CD99: variants seen among roughly 807,000 people sequenced by gnomAD.
The protein encoded by CD99 is CD99 antigen.
In CD99, 19 loss-of-function variants were observed where a neutral mutation model predicts 28.4. The ratio of observed to expected loss-of-function variants is 0.67; its 90% CI spans 0.47 to 0.98. The LOEUF (loss-of-function observed/expected upper bound fraction) is 0.98. CD99 is among the 50% of genes least tolerant of loss of function. CD99 has a pLI of 0.00. For missense variants in CD99, 283 were observed against 248.8 expected, an observed-to-expected ratio of 1.14 and a Z score of -0.92; for synonymous variants, 103 against 92.1, an observed-to-expected ratio of 1.12 and a Z score of -0.67.
chrX:2,737,863 CTTTT>C, intron 8 of CD99: 1 of 413,992 alleles, frequency 2.4e-6, no homozygotes, highest in Non-Finnish European at 4.5e-6. Context: ...GATGCACGTA[CTTTT>C]TTTTTTTTTA....
chrX:2,695,552 C>T (rs146310441), intron 1 of CD99, among the ~76,000 whole-genome samples: 3,415 of 152,020 alleles, frequency 0.022, 125 homozygotes, highest in African/African-American at 0.075. Flanking sequence ...GCTGGGACTA[C>T]AAGCACACAC....
intron 8 of CD99, among the ~76,000 whole-genome samples, chrX:2,728,799 G>A (rs746324942): frequency 7.6e-4 from 112 of 148,132 alleles, no homozygotes; most frequent in South Asian, 5.3e-3. Flanking sequence ...GACAGGATGC[G>A]TAATATTCTA....
chrX:2,692,036 A>C, intron 1 of CD99: 4 of 654,658 alleles, frequency 6.1e-6, no homozygotes, highest in Middle Eastern at 3.5e-4. Context: ...GCAGAAAGAA[A>C]CGTGTGCTTA....
chrX:2,694,493 G>A (rs1319108131), intron 1 of CD99, among the ~76,000 whole-genome samples: 1 of 132,908 alleles, frequency 7.5e-6, no homozygotes. Context: ...ACTCAGGCCT[G>A]TAAATCCCAG....
chrX:2,691,674 A>G (rs756640225), intron 1 of CD99: 1 of 704,040 alleles, frequency 1.4e-6, no homozygotes, highest in Non-Finnish European at 2.6e-6. Flanking sequence ...AAACTCTTAC[A>G]TGTGGGGCGG....
At chrX:2,710,438 G>T (rs5939305) in intron 1 of CD99, among the ~76,000 whole-genome samples, 57,166 of 151,622 alleles carry the variant, frequency 0.38, 12,718 homozygotes, top group Non-Finnish European at 0.51. Context: ...ATCATCTTCT[G>T]TTTATGAGGG....
chrX:2,730,625 C>G (rs960020881), intron 8 of CD99, among the ~76,000 whole-genome samples: 18 of 152,144 alleles, frequency 1.2e-4, no homozygotes, highest in African/African-American at 4.3e-4. Context: ...GAAGGTCCAA[C>G]TTTCAATTCC....
At chrX:2,711,397 T>C (rs1378421388) in intron 1 of CD99, among the ~76,000 whole-genome samples, 1 of 131,462 alleles carries the variant, frequency 7.6e-6, no homozygotes, top group Non-Finnish European at 1.6e-5. Flanking sequence ...TGTGTATATA[T>C]AGTATGTGTG....
intron 2 of CD99, among the ~76,000 whole-genome samples, chrX:2,717,074 C>T (rs1352785317): frequency 2.0e-5 from 3 of 152,062 alleles, no homozygotes; most frequent in Non-Finnish European, 4.4e-5. Flanking sequence ...GGGCTGGGCA[C>T]GGTGGCTCAA....
At chrX:2,696,463 C>T (rs1424201562) in intron 1 of CD99, among the ~76,000 whole-genome samples, 56 of 152,216 alleles carry the variant, frequency 3.7e-4, no homozygotes, top group East Asian at 1.2e-3. Context: ...TGCGATGGTG[C>T]GATCTCGGCT....
At position 2,738,267 on chromosome X, in the gene CD99, C is replaced by T. The variant is rs373297855; in HGVS notation, c.532+11C>T. The stretch of plus-strand genomic sequence containing the variant: ...ACGCAGAGCCAGCTGGTAAGAAGGA[C>T]GGGGAACGATGGCTTGCACACGTGG... On this transcript the variant is annotated intron_variant, in intron 9 of 9. Transcript: ENST00000381192. 958 of 1,613,450 alleles carry T rather than the reference C, an allele frequency of 5.9e-4. 1 individual carries two copies. The highest frequency in any genetic ancestry group is 7.4e-4 in the Non-Finnish European group (869 of 1,179,598).
chrX:2,704,256 C>A (rs1346033537), intron 1 of CD99, among the ~76,000 whole-genome samples: 1 of 152,098 alleles, frequency 6.6e-6, no homozygotes, highest in African/African-American at 2.4e-5. Flanking sequence ...AAGAAAGTTT[C>A]CCACTTCTTA....
At chrX:2,739,195 A>G (rs28445675) in intron 9 of CD99, among the ~76,000 whole-genome samples, 2 of 152,040 alleles carry the variant, frequency 1.3e-5, no homozygotes, top group Non-Finnish European at 2.9e-5. Context: ...AAATCCTCTC[A>G]ACCAGGTGGA....
chrX:2,736,981 C>T (rs1052914442), intron 8 of CD99, among the ~76,000 whole-genome samples: 5 of 151,822 alleles, frequency 3.3e-5, no homozygotes, highest in African/African-American at 1.2e-4. Context: ...CTGTCTTGTC[C>T]TTTGATGGCT....
At chrX:2,727,946 G>A (rs1244967158) in intron 8 of CD99, among the ~76,000 whole-genome samples, 1 of 152,186 alleles carries the variant, frequency 6.6e-6, no homozygotes, top group Non-Finnish European at 1.5e-5. Context: ...CATTTGAATA[G>A]ATGCTGGTGT....
chrX:2,738,162 G>A (rs773115671), intron 8 of CD99, 38 bp from the exon 9 acceptor site: 1 of 1,578,772 alleles, frequency 6.3e-7, no homozygotes, highest in Middle Eastern at 1.7e-4. Flanking sequence ...GTTATCTGTT[G>A]CACTGAGCCT....
At chrX:2,717,804 G>C (rs1050791259) in intron 3 of CD99, 152 bp downstream of exon 3, 5 of 676,962 alleles carry the variant, frequency 7.4e-6, no homozygotes, top group Non-Finnish European at 1.3e-5. Flanking sequence ...ATTGTGTTAT[G>C]ATGTTACATT....
chrX:2,712,889 A>G (rs2048488091), intron 1 of CD99, among the ~76,000 whole-genome samples: 3 of 152,120 alleles, frequency 2.0e-5, no homozygotes, highest in Non-Finnish European at 2.9e-5. Context: ...GCACACAACT[A>G]CATGTGTGCA....
At chrX:2,716,946 T>G (rs1321447391) in intron 2 of CD99, among the ~76,000 whole-genome samples, 1 of 152,172 alleles carries the variant, frequency 6.6e-6, no homozygotes, top group African/African-American at 2.4e-5. Flanking sequence ...GTGTCTCTCC[T>G]TCTCATGCAT....
Sources: gnomAD v4.1 joint callset for allele counts (sites outside exome capture counted in the v4.1 genomes callset) on GRCh38, gnomAD v4.1.1 for gene constraint, MANE v1.5 for transcripts, NCBI Gene and HGNC (gene_info 2026-07-23, HGNC 2026-07-21) for gene names.